SPOPL: variants seen among roughly 807,000 people sequenced by gnomAD.
SPOPL encodes the protein speckle-type POZ protein-like.
Under a neutral mutation model 53.8 loss-of-function variants are expected in SPOPL, and 23 were observed. The ratio of observed to expected loss-of-function variants is 0.43; its 90% CI spans 0.31 to 0.61. SPOPL has a LOEUF of 0.61. Ranked by LOEUF, SPOPL falls within the 20% of genes least tolerant of loss-of-function variation. The pLI is 0.12. For synonymous variants in SPOPL, 164 were observed against 149.7 expected, an observed-to-expected ratio of 1.10 and a Z score of -0.70; for missense variants, 442 against 466.9, an observed-to-expected ratio of 0.95 and a Z score of 0.49.
At chr2:138,528,485 G>T (rs1333025890) in intron 1 of SPOPL, among the ~76,000 whole-genome samples, 2 of 152,036 alleles carry the variant, frequency 1.3e-5, no homozygotes, top group African/African-American at 4.8e-5. Context: ...CGTTGTTATT[G>T]GTTTATTTTT....
chr2:138,563,664 T>C (rs1685599524), intron 8 of SPOPL, among the ~76,000 whole-genome samples: 1 of 152,232 alleles, frequency 6.6e-6, no homozygotes, highest in Admixed American at 6.5e-5. Context: ...TCTCGTGTGC[T>C]GTTGATGGAA....
At position 138,547,529 on chromosome 2, in the gene SPOPL, G is replaced by T. The variant is rs559485144; in HGVS notation, c.-60-2628G>T. 3.2e-4 allele frequency among the ~76,000 whole-genome samples: 49 copies of T among 151,828 alleles called. No homozygotes were observed. The South Asian group carries it at 7.3e-3, about 23-fold the overall frequency. ...TCTTTCAATTTACCTTCTACCCCAG[G>T]ATCTATTACTTAAACAGTAACATAG... On this transcript the variant is annotated intron_variant, in intron 1 of 10. Coordinates refer to ENST00000280098, the MANE Select transcript of SPOPL (RefSeq NM_001001664.3).
At chr2:138,505,457 TAAAG>T (rs759043979) in intron 1 of SPOPL, among the ~76,000 whole-genome samples, 10 of 151,430 alleles carry the variant, frequency 6.6e-5, no homozygotes, top group Admixed American at 5.9e-4. Flanking sequence ...GGGAATAAAA[TAAAG>T]AAAAAAAATT....
chr2:138,529,706 G>A (rs746936159), intron 1 of SPOPL, among the ~76,000 whole-genome samples: 33 of 152,120 alleles, frequency 2.2e-4, no homozygotes, highest in African/African-American at 6.3e-4. Context: ...TGACCCATTT[G>A]CATTTCCATG....
chr2:138,505,592 TCTAAA>T (rs1684198534), intron 1 of SPOPL, among the ~76,000 whole-genome samples: 1 of 109,394 alleles, frequency 9.1e-6, no homozygotes. Context: ...CTGTGTCTCT[TCTAAA>T]AAAAAAAAAA....
chr2:138,549,099 C>G (rs2104890349), intron 1 of SPOPL, among the ~76,000 whole-genome samples: 1 of 151,836 alleles, frequency 6.6e-6, no homozygotes, highest in East Asian at 1.9e-4. Context: ...TTTTTATTTT[C>G]CTGGTTCTGT....
At chr2:138,568,757 G>A (rs1685718067) in intron 10 of SPOPL, among the ~76,000 whole-genome samples, 179 bp from the exon 11 acceptor site, 1 of 152,118 alleles carries the variant, frequency 6.6e-6, no homozygotes, top group Non-Finnish European at 1.5e-5. Context: ...AATAGTTTCA[G>A]TTGCCACAGA....
chr2:138,506,269 G>A (rs1440696645), intron 1 of SPOPL, among the ~76,000 whole-genome samples: 1 of 152,180 alleles, frequency 6.6e-6, no homozygotes. Context: ...CTGGTATTTA[G>A]TAACACACAA....
chr2:138,514,500 C>T (rs929269482), intron 1 of SPOPL, among the ~76,000 whole-genome samples: 2 of 152,148 alleles, frequency 1.3e-5, no homozygotes, highest in African/African-American at 2.4e-5. Context: ...TTTTTCCTTT[C>T]ACAGATTCAA....
At chr2:138,504,505 A>G (rs768600913) in intron 1 of SPOPL, among the ~76,000 whole-genome samples, 2 of 152,216 alleles carry the variant, frequency 1.3e-5, no homozygotes, top group Non-Finnish European at 2.9e-5. Context: ...GATAAAATTG[A>G]CATTTAACAT....
intron 9 of SPOPL, 36 bp downstream of exon 9, chr2:138,564,886 T>C: frequency 6.2e-7 from 1 of 1,613,802 alleles, no homozygotes; most frequent in South Asian, 1.1e-5. Context: ...GCATGACAAC[T>C]TCAATATTTT....
chr2:138,519,978 G>T (rs1465161601), intron 1 of SPOPL, among the ~76,000 whole-genome samples: 1 of 152,122 alleles, frequency 6.6e-6, no homozygotes, highest in Non-Finnish European at 1.5e-5. Context: ...ACAAAGGGTG[G>T]TTAGTGAAAG....
At chr2:138,507,904 C>T (rs941490115) in intron 1 of SPOPL, among the ~76,000 whole-genome samples, 15 of 152,124 alleles carry the variant, frequency 9.9e-5, no homozygotes, top group African/African-American at 3.6e-4. Context: ...CTTACAGGTT[C>T]ATTCAATAAC....
chr2:138,524,004 C>A (rs1172174889), intron 1 of SPOPL, among the ~76,000 whole-genome samples: 1 of 152,150 alleles, frequency 6.6e-6, no homozygotes, highest in Non-Finnish European at 1.5e-5. Flanking sequence ...AGGGCTCTGA[C>A]CCCACATTTT....
intron 1 of SPOPL, among the ~76,000 whole-genome samples, chr2:138,518,744 A>G (rs1275066736): frequency 1.3e-5 from 2 of 152,252 alleles, no homozygotes; most frequent in Non-Finnish European, 2.9e-5. Context: ...ACTAGAGATA[A>G]GCAGTGTGAG....
chr2:138,517,738 CA>C (rs1368460433), intron 1 of SPOPL, among the ~76,000 whole-genome samples: 1,819 of 103,766 alleles, frequency 0.018, 29 homozygotes, highest in African/African-American at 0.052. Flanking sequence ...GACTCCGTCT[CA>C]AAAAAAAAAA....
intron 1 of SPOPL, among the ~76,000 whole-genome samples, chr2:138,514,205 G>C (rs1368915745): frequency 1.3e-5 from 2 of 152,274 alleles, no homozygotes; most frequent in East Asian, 3.9e-4. Flanking sequence ...TACCCAAGGC[G>C]GTCAGAGCAT....
In SPOPL at chr2:138,559,022, G is replaced by C. The variant is rs371193015; in HGVS notation, c.481G>C (p.Val161Leu). The part of the protein sequence containing the change: ...PDDKLTLFCE[V>L]SVVQDSVNIS... The stretch of plus-strand genomic sequence containing the variant: ...TTTCTTGCTGTCCCTTTTTTATTAG[G>C]TGAGTGTGGTCCAAGATTCAGTAAA... Residue 161 changes from valine to leucine, a missense_variant and splice_region_variant, in exon 6 of 11, where the codon GTG becomes CTG. Val to Leu is a conservative substitution (Grantham distance 32, BLOSUM62 1). Transcript: ENST00000280098. The C allele has an allele frequency of 1.9e-6, 3 of 1,580,398 alleles. No individual in the cohort carries two copies. In the East Asian group the frequency reaches 6.8e-5, roughly 36 times the overall value.
At chr2:138,554,532 A>G (rs766548661) in intron 5 of SPOPL, 7 of 1,282,812 alleles carry the variant, frequency 5.5e-6, no homozygotes, top group East Asian at 5.6e-5. Context: ...GGTGCTGTAG[A>G]CAGGTAAGGC....
Sources: allele counts gnomAD v4.1 joint callset (sites outside exome capture counted in the v4.1 genomes callset), GRCh38; gene constraint gnomAD v4.1.1; transcripts MANE v1.5; gene names NCBI Gene and HGNC (gene_info 2026-07-23, HGNC 2026-07-21).